The following DACT2 variants were observed in gnomAD, a reference collection of about 807,000 sequenced individuals.
DACT2 encodes dishevelled binding antagonist of beta catenin 2.
In DACT2, 20 loss-of-function variants were observed where a neutral mutation model predicts 22.2. That is an observed-to-expected ratio of 0.90 (90% CI 0.63 to 1.31). The LOEUF is 1.31. DACT2 is among the 50% of genes most tolerant of loss of function. The pLI, the probability that DACT2 is intolerant of heterozygous loss-of-function variation, is 0.00. For missense variants in DACT2, 1,048 were observed against 1,061.4 expected, an observed-to-expected ratio of 0.99 and a Z score of 0.18; for synonymous variants, 463 against 479.8, an observed-to-expected ratio of 0.96 and a Z score of 0.46.
At chr6:168,311,117 G>A (rs899519) in intron 2 of DACT2, 35 bp downstream of exon 2, 1 of 1,496,224 alleles carries the variant, frequency 6.7e-7, no homozygotes, top group Non-Finnish European at 8.9e-7. Flanking sequence ...CTGCGTGCCT[G>A]CCCCTGTGTC....
chr6:168,312,748 G>C (rs968402160), intron 1 of DACT2, among the ~76,000 whole-genome samples: 1 of 152,268 alleles, frequency 6.6e-6, no homozygotes, highest in Admixed American at 6.5e-5. Context: ...AAATTTACGT[G>C]GGAAATGAGG....
Position 168,307,574 on chromosome 6 carries a change from G to A in DACT2, c.2183C>T (p.Ala728Val). ...GYVAAGHAEL[A>V]WTQEAPVSSG... ...GCTGACCGGGGCCTCCTGGGTCCAG[G>A]CCAGCTCCGCATGCCCGGCCGCCAC... The change falls in exon 4 of 4, where the codon GCC (alanine) becomes GTC (valine). Residue 728 changes from alanine to valine, a missense_variant. Coordinates refer to ENST00000366795, the MANE Select transcript of DACT2 (RefSeq NM_214462.5). The surrounding 1 kb of genome is among the most constrained non-coding windows in gnomAD (Gnocchi z 5.3). The A allele has an allele frequency of 6.4e-7, 1 of 1,550,632 alleles. No individual in the cohort carries two copies. The highest frequency in any genetic ancestry group is 8.7e-7 in the Non-Finnish European group (1 of 1,146,666).
chr6:168,294,937 C>A (rs1458852195), intron 3 of DACT2, among the ~76,000 whole-genome samples: 1 of 152,140 alleles, frequency 6.6e-6, no homozygotes, highest in Admixed American at 6.5e-5. Flanking sequence ...GAGGAAGAAA[C>A]CGTGGCATGA....
At chr6:168,295,110 C>A (rs1363254893) in intron 3 of DACT2, among the ~76,000 whole-genome samples, 1 of 152,200 alleles carries the variant, frequency 6.6e-6, no homozygotes, top group Non-Finnish European at 1.5e-5. Flanking sequence ...GCCACTCCAA[C>A]TGTTCTCCTG....
At chr6:168,293,743 C>T (rs1778950596) in exon 6 of DACT2, 2 of 656,802 alleles carry the variant, frequency 3.0e-6, no homozygotes, top group African/African-American at 1.8e-5. Flanking sequence ...CTCTGCAGCT[C>T]CCACTGGCTC....
downstream of DACT2, among the ~76,000 whole-genome samples, chr6:168,305,753 T>A (rs1779192887): frequency 6.6e-6 from 1 of 152,224 alleles, no homozygotes; most frequent in South Asian, 2.1e-4. Flanking sequence ...TTGTCATTTT[T>A]ATAAAATACC....
downstream of DACT2, among the ~76,000 whole-genome samples, chr6:168,305,301 C>T (rs184900898): frequency 2.6e-5 from 4 of 152,308 alleles, no homozygotes; most frequent in East Asian, 3.9e-4. Context: ...TGCACCCCTC[C>T]GGGCTGCAGG....
intron 3 of DACT2, among the ~76,000 whole-genome samples, chr6:168,301,107 C>T (rs73258848): frequency 0.031 from 4,764 of 152,298 alleles, 242 homozygotes; most frequent in African/African-American, 0.11. Flanking sequence ...TCTTGGAGCC[C>T]GTTGTTGCTG....
Position 168,308,433 on chromosome 6 carries a change from G to C in DACT2, c.1324C>G (p.Pro442Ala), listed in dbSNP as rs1243320502. 1.3e-6 allele frequency: 2 copies of C among 1,551,688 alleles called. No homozygotes were observed. The highest frequency in any genetic ancestry group is 4.9e-5 in the East Asian group (2 of 40,882). ...GGTGTCTGCTGGGCCTTTGAGCTGG[G>C]AGAAGCCTGCACCATGGTCTCCCTG... Reference protein sequence around the residue: ...VLRETMVQASPSSKAQQTPSA... With the variant: ...VLRETMVQASASSKAQQTPSA... Residue 442 changes from proline to alanine, a missense_variant, in exon 4 of 4, where the codon CCC becomes GCC. Transcript: ENST00000366795.
intron 1 of DACT2, among the ~76,000 whole-genome samples, chr6:168,313,776 C>A (rs1399373616): frequency 6.6e-6 from 1 of 152,176 alleles, no homozygotes; most frequent in Non-Finnish European, 1.5e-5. Flanking sequence ...CCCCAGCCAG[C>A]TTTGTCCTCC....
At chr6:168,297,336 C>T (rs1272429445) in intron 3 of DACT2, among the ~76,000 whole-genome samples, 1 of 152,136 alleles carries the variant, frequency 6.6e-6, no homozygotes, top group Admixed American at 6.5e-5. Context: ...GAAACTATCC[C>T]CAATTGTCCG....
intron 1 of DACT2, among the ~76,000 whole-genome samples, chr6:168,318,739 C>A (rs532723736): frequency 1.3e-5 from 2 of 152,144 alleles, no homozygotes; most frequent in South Asian, 4.2e-4. Flanking sequence ...TGAAGAGGGC[C>A]CGTGGCAGGG....
At chr6:168,303,921 C>A (rs1779154007), downstream of DACT2, among the ~76,000 whole-genome samples, 1 of 152,106 alleles carries the variant, frequency 6.6e-6, no homozygotes, top group Admixed American at 6.5e-5. Flanking sequence ...AACTTTAATT[C>A]TTTATCCTTT....
intron 1 of DACT2, among the ~76,000 whole-genome samples, chr6:168,311,613 C>T (rs1412182561): frequency 3.5e-5 from 5 of 141,010 alleles, no homozygotes; most frequent in Non-Finnish European, 6.2e-5. Context: ...CACACTCACA[C>T]AAACACACAC....
At chr6:168,293,170 T>C (rs911313892) in exon 6 of DACT2, 1 of 152,142 alleles carries the variant, frequency 6.6e-6, no homozygotes, top group Non-Finnish European at 1.5e-5. Flanking sequence ...GAGCTCATCT[T>C]CTCCCTAATT....
rs61674641 is a variant in DACT2, at chr6:168,294,160, A to T, written c.768T>A (p.Cys256Ter). The T allele has an allele frequency of 2.8e-3, 1,988 of 703,000 alleles. 22 individuals carry two copies. In the African/African-American group the frequency reaches 0.029, roughly 10 times the overall value. The allele number at this position is 703,000 out of a possible 1,614,324, so 43.5% of individuals were successfully genotyped here. A position where few individuals can be genotyped will look rare whatever the true frequency, so the allele number is the denominator to read the frequency against. ...CTGAGCAGAAAGGGAGCTGACAGCC[A>T]CAGAGGCCACACTTTCCTCTCAAAC... The change falls in exon 5 of 6, where the codon TGT becomes TGA. Residue 256 changes from cysteine (C) to a stop codon, truncating the protein, a stop_gained. Coordinates refer to the DACT2 transcript ENST00000366796. LOFTEE classifies it low-confidence loss of function (ANC_ALLELE).
Position 168,308,799 on chromosome 6 carries a change from C to A in DACT2, c.958G>T (p.Gly320Trp). The change falls in exon 4 of 4, where the codon GGG (glycine) becomes TGG (tryptophan). Residue 320 changes from glycine (G) to tryptophan (W), a missense_variant. Gly to Trp is a radical substitution (Grantham distance 184, BLOSUM62 -2). Coordinates refer to ENST00000366795, the MANE Select transcript of DACT2 (RefSeq NM_214462.5). ...GPAGLNTIQT[G>W]PVLEAGPARA... The stretch of plus-strand genomic sequence containing the variant: ...GCCGGGCCAGCCTCGAGGACCGGCC[C>A]AGTCTGGATGGTGTTCAGACCTGCG... 6.4e-7 allele frequency: 1 copy of A among 1,551,474 alleles called. No homozygotes were observed. The highest frequency in any genetic ancestry group is 8.7e-7 in the Non-Finnish European group (1 of 1,146,998).
At position 168,308,616 on chromosome 6, in the gene DACT2, C is replaced by A; in HGVS notation, c.1141G>T (p.Val381Phe). The A allele has an allele frequency of 6.5e-7, 1 of 1,544,874 alleles. No individual in the cohort carries two copies. Among genetic ancestry groups the A allele is most frequent in the Non-Finnish European group, 8.7e-7 (1 of 1,146,938 alleles). Residue 381 changes from valine (V) to phenylalanine (F), a missense_variant, in exon 4 of 4, where the codon GTC becomes TTC. Transcript: ENST00000366795. ...WSTDGGGRLLVFAPGREDEGG... is the reference protein window; with the variant it reads ...WSTDGGGRLLFFAPGREDEGG... ...TCGTCCTCCCTCCCTGGGGCGAAGA[C>A]CAGCAGTCGCCCTCCACCGTCTGTA...
At chr6:168,299,656 C>T (rs1366956542) in intron 3 of DACT2, 3 of 152,222 alleles carry the variant, frequency 2.0e-5, no homozygotes, top group African/African-American at 4.8e-5. Flanking sequence ...ACACACAGGC[C>T]GCTCATGCAA....
Sources: gnomAD v4.1 joint callset for allele counts (sites outside exome capture counted in the v4.1 genomes callset) on GRCh38, gnomAD v4.1.1 for gene constraint, Gnocchi (gnomAD v3.1) non-coding constraint, MANE v1.5 for transcripts, NCBI Gene and HGNC (gene_info 2026-07-23, HGNC 2026-07-21) for gene names.